Variants in NELL2 observed in about 807,000 individuals in gnomAD.
NELL2 encodes the protein neural EGFL like 2.
A neutral mutation model predicts 109.6 loss-of-function variants in NELL2; 41 were observed. The ratio of observed to expected loss-of-function variants is 0.37; its 90% CI spans 0.29 to 0.49. The LOEUF is 0.49. NELL2 is among the 20% of genes least tolerant of loss of function. The probability of loss-of-function intolerance (pLI) is 0.98; values close to 1 mark genes in which losing one functional copy is unlikely to be tolerated. For synonymous variants in NELL2, 355 were observed against 344.7 expected (o/e 1.03, Z -0.33); for missense variants, 900 against 1,008.3 (o/e 0.89, Z 1.45).
At position 44,687,820 on chromosome 12, in the gene NELL2, C is replaced by T. The variant is rs190329665; in HGVS notation, c.1318+15906G>A. 1.1e-3 allele frequency among the ~76,000 whole-genome samples: 168 copies of T among 152,226 alleles called. 1 individual carries two copies. Among genetic ancestry groups the T allele is most frequent in the Non-Finnish European group, 2.2e-3 (148 of 67,990 alleles). On this transcript the variant is annotated intron_variant, in intron 12 of 19. Transcript: ENST00000429094. ...TTTAAATCAATTAGATTTTTTAAAGCTGTTAATCATGTGGTGTCTTATATG... is the reference window on the plus strand; with the variant it reads ...TTTAAATCAATTAGATTTTTTAAAGTTGTTAATCATGTGGTGTCTTATATG...
At chr12:44,580,902 T>C (rs930347032) in intron 15 of NELL2, among the ~76,000 whole-genome samples, 2 of 152,182 alleles carry the variant, frequency 1.3e-5, no homozygotes, top group African/African-American at 4.8e-5. Flanking sequence ...AGAGCTTCAG[T>C]TTGAATTTAA....
intron 15 of NELL2, among the ~76,000 whole-genome samples, chr12:44,586,804 ACTC>A (rs1944524115): frequency 6.6e-6 from 1 of 152,124 alleles, no homozygotes; most frequent in African/African-American, 2.4e-5. Context: ...ATTGGAATAG[ACTC>A]TACAAGGGCA....
At chr12:44,852,208 T>C (rs1306014890) in intron 2 of NELL2, among the ~76,000 whole-genome samples, 1 of 152,204 alleles carries the variant, frequency 6.6e-6, no homozygotes, top group Non-Finnish European at 1.5e-5. Context: ...CTCAATTTAA[T>C]TATCTAAAGA....
At chr12:44,722,479 T>C (rs1023299072) in intron 9 of NELL2, among the ~76,000 whole-genome samples, 11 of 152,182 alleles carry the variant, frequency 7.2e-5, no homozygotes, top group Non-Finnish European at 1.0e-4. Context: ...GAAACATTTA[T>C]TGACACTGAA....
intron 1 of NELL2, among the ~76,000 whole-genome samples, chr12:44,894,051 G>A (rs942618245): frequency 6.6e-6 from 1 of 152,104 alleles, no homozygotes; most frequent in African/African-American, 2.4e-5. Context: ...GAAAAAAATA[G>A]AGAAATTCTA....
chr12:44,622,644 A>G (rs1442137294), intron 13 of NELL2, among the ~76,000 whole-genome samples: 3 of 152,176 alleles, frequency 2.0e-5, no homozygotes, highest in Non-Finnish European at 1.5e-5. Flanking sequence ...AGTCTTTCCA[A>G]TGAATTTTAA....
At chr12:44,514,367 T>C (rs1285534190) in intron 19 of NELL2, among the ~76,000 whole-genome samples, 1 of 151,918 alleles carries the variant, frequency 6.6e-6, no homozygotes, top group African/African-American at 2.4e-5. Context: ...TCTTTCCTTA[T>C]CTGCAGTTTA....
intron 5 of NELL2, 47 bp downstream of exon 5, chr12:44,779,616 A>G (rs761780382): frequency 6.9e-7 from 1 of 1,451,100 alleles, no homozygotes; most frequent in East Asian, 2.3e-5. Flanking sequence ...TTTGAAACTC[A>G]TTAGAAAGCA....
At position 44,816,059 on chromosome 12, in the gene NELL2, T is replaced by C. The variant is rs1172248468; in HGVS notation, c.262A>G (p.Thr88Ala). The C allele has an allele frequency of 6.2e-7, 1 of 1,613,856 alleles. No homozygotes were observed. Among genetic ancestry groups the C allele is most frequent in the African/African-American group, 1.3e-5 (1 of 75,040 alleles). The change falls in exon 3 of 20, where the codon ACT becomes GCT. Residue 88 changes from threonine to alanine, a missense_variant. Thr to Ala is a moderately conservative substitution (Grantham distance 58). This residue lies in a region of NELL2 where 200 missense variants were observed against 191.8 expected (regional missense o/e 1.04). Coordinates refer to ENST00000429094, the MANE Select transcript of NELL2 (RefSeq NM_001145108.2). ...GTCTGTTTTAGGGTCACCAAAATAGTAAATTCATGTTTATTTCTCAGCTTC... is the reference window on the plus strand; with the variant it reads ...GTCTGTTTTAGGGTCACCAAAATAGCAAATTCATGTTTATTTCTCAGCTTC... ...FQKLRNKHEF[T>A]ILVTLKQTHL... is the part of the protein sequence containing the mutation.
At position 44,834,436 on chromosome 12, in the gene NELL2, C is replaced by CTTT. The variant is rs36048159; in HGVS notation, c.185-18303_185-18301dup. Among the ~76,000 whole-genome samples the CTTT allele has an allele frequency of 5.1e-4, 67 of 131,538 alleles. No homozygotes were observed. The East Asian group carries it at 8.0e-3, about 16-fold the overall frequency. 86.3% of individuals were successfully genotyped at this position (131,538 alleles called of 152,430 possible). ...GTATACCTACACAGACACACGCATT[C>CTTT]TTTTTTTTTTTTTTTTTGTCTCTTT... On this transcript the variant is annotated intron_variant, in intron 2 of 19. Coordinates refer to ENST00000429094, the MANE Select transcript of NELL2 (RefSeq NM_001145108.2).
At chr12:44,713,803 C>T (rs1284843106) in intron 10 of NELL2, among the ~76,000 whole-genome samples, 1 of 151,768 alleles carries the variant, frequency 6.6e-6, no homozygotes, top group East Asian at 1.9e-4. Context: ...TTTTCCTTTC[C>T]CTCACTCTTA....
intron 15 of NELL2, among the ~76,000 whole-genome samples, chr12:44,599,519 T>C (rs1194202769): frequency 6.6e-6 from 1 of 151,838 alleles, no homozygotes; most frequent in Non-Finnish European, 1.5e-5. Flanking sequence ...GGTGGATAGG[T>C]TTGAAAAATT....
chr12:44,523,570 T>C, intron 16 of NELL2, 86 bp from the exon 17 acceptor site: 1 of 1,130,756 alleles, frequency 8.8e-7, no homozygotes, highest in South Asian at 1.3e-5. Flanking sequence ...TCTCCTGACA[T>C]AAGGTATTCA....
At chr12:44,791,474 A>G (rs1942430784) in intron 3 of NELL2, among the ~76,000 whole-genome samples, 1 of 151,532 alleles carries the variant, frequency 6.6e-6, no homozygotes. Flanking sequence ...AATAGAGTAC[A>G]GTGTATACTG....
intron 15 of NELL2, among the ~76,000 whole-genome samples, chr12:44,571,871 C>T (rs752698966): frequency 2.0e-5 from 3 of 152,114 alleles, no homozygotes; most frequent in Admixed American, 6.5e-5. Flanking sequence ...TTAGTAGGAA[C>T]TCTGGATCAA....
intron 9 of NELL2, among the ~76,000 whole-genome samples, chr12:44,756,274 CCT>C (rs1218348366): frequency 2.0e-5 from 3 of 152,006 alleles, no homozygotes; most frequent in African/African-American, 7.3e-5. Flanking sequence ...TCAGTTAATT[CCT>C]CTCTTATACA....
At chr12:44,806,900 A>G (rs970842591) in intron 3 of NELL2, among the ~76,000 whole-genome samples, 17 of 151,814 alleles carry the variant, frequency 1.1e-4, no homozygotes, top group African/African-American at 2.7e-4. Context: ...AGGGAGGGGG[A>G]GAGATACAAA....
chr12:44,911,471 A>G (rs1326338662), intron 1 of NELL2, among the ~76,000 whole-genome samples: 1 of 152,040 alleles, frequency 6.6e-6, no homozygotes, highest in Non-Finnish European at 1.5e-5. Context: ...TTAAATTATA[A>G]TCTTTCAAAA....
At chr12:44,617,705 AAAAAAAAAG>A (rs1945887161) in intron 13 of NELL2, among the ~76,000 whole-genome samples, 1 of 103,344 alleles carries the variant, frequency 9.7e-6, no homozygotes, top group Non-Finnish European at 1.9e-5. Context: ...AAAAAAAAAA[AAAAAAAAAG>A]AAAAAGCAGT....
Sources: allele counts gnomAD v4.1 joint callset (sites outside exome capture counted in the v4.1 genomes callset), GRCh38; gene constraint gnomAD v4.1.1; regional missense constraint gnomAD v4.1.1; transcripts MANE v1.5; gene names NCBI Gene and HGNC (gene_info 2026-07-23, HGNC 2026-07-21).